Variants in CACNA1C observed in about 807,000 individuals in gnomAD.
CACNA1C encodes the protein calcium voltage-gated channel subunit alpha1 C, also known as voltage-dependent L-type calcium channel subunit alpha-1C.
CACNA1C carries 30 observed loss-of-function variants against 229.0 expected under a neutral mutation model. That is an observed-to-expected ratio of 0.13 (90% confidence interval 0.10 to 0.18). CACNA1C has a LOEUF of 0.18. Ranked by LOEUF, CACNA1C falls within the 10% of genes least tolerant of loss-of-function variation. The pLI, the probability that CACNA1C is intolerant of heterozygous loss-of-function variation, is 1.00. For missense variants in CACNA1C, 1,658 were observed against 2,845.0 expected (o/e 0.58, Z 9.49); for synonymous variants, 1,114 against 1,132.5 (o/e 0.98, Z 0.33).
At chr12:2,458,981 C>CTTTTTTTTTTTTT (rs71057826) in intron 5 of CACNA1C, among the ~76,000 whole-genome samples, 1 of 105,596 alleles carries the variant, frequency 9.5e-6, no homozygotes, top group African/African-American at 3.6e-5. Context: ...CTTTTTCTTT[C>CTTTTTTTTTTTTT]TTTTTTTTTT....
chr12:2,477,146 C>T (rs900719505), intron 5 of CACNA1C, among the ~76,000 whole-genome samples: 9 of 152,322 alleles, frequency 5.9e-5, no homozygotes, highest in East Asian at 1.9e-4. Flanking sequence ...AGATTCATCA[C>T]GTCTCCAGCT....
chr12:2,592,565 C>A (rs1017227748), intron 18 of CACNA1C, among the ~76,000 whole-genome samples: 1 of 152,230 alleles, frequency 6.6e-6, no homozygotes, highest in Non-Finnish European at 1.5e-5. Flanking sequence ...AATAAGCTGT[C>A]TGACTTTGGT....
chr12:2,057,353 C>T (rs539983647), intron 1 of CACNA1C, among the ~76,000 whole-genome samples: 1 of 152,334 alleles, frequency 6.6e-6, no homozygotes, highest in South Asian at 2.1e-4. Flanking sequence ...GCGACCTGGC[C>T]AGACCTGCAG....
At chr12:2,250,408 C>T (rs768746303) in intron 3 of CACNA1C, among the ~76,000 whole-genome samples, 2 of 152,354 alleles carry the variant, frequency 1.3e-5, no homozygotes, top group East Asian at 1.9e-4. Context: ...CTCTCCATCC[C>T]GAGACCTTTA....
At chr12:2,145,603 C>G (rs1232248152) in intron 3 of CACNA1C, among the ~76,000 whole-genome samples, 1 of 151,240 alleles carries the variant, frequency 6.6e-6, no homozygotes, top group Admixed American at 6.7e-5. Context: ...TGAGTGCCTA[C>G]TGTGTACCAG....
At chr12:2,487,051 C>T (rs2099700542) in intron 6 of CACNA1C, among the ~76,000 whole-genome samples, 1 of 152,234 alleles carries the variant, frequency 6.6e-6, no homozygotes, top group Non-Finnish European at 1.5e-5. Flanking sequence ...AAGCTACTAA[C>T]ATCGCAGCTT....
intron 34 of CACNA1C, among the ~76,000 whole-genome samples, chr12:2,656,537 A>C (rs138628742): frequency 1.3e-5 from 2 of 152,374 alleles, no homozygotes; most frequent in East Asian, 3.9e-4. Flanking sequence ...TGCAATTGCT[A>C]TCAAAATGCC....
chr12:2,451,858 C>G (rs970222390), intron 4 of CACNA1C, among the ~76,000 whole-genome samples: 5 of 152,216 alleles, frequency 3.3e-5, no homozygotes, highest in African/African-American at 1.2e-4. Context: ...TTGCCCAGCT[C>G]GTGGTTGGTC....
At chr12:2,101,271 G>T (rs1039287345) in intron 1 of CACNA1C, among the ~76,000 whole-genome samples, 4 of 152,168 alleles carry the variant, frequency 2.6e-5, no homozygotes, top group African/African-American at 9.7e-5. Flanking sequence ...GCAGAGCTTT[G>T]CCAGACTCTT....
chr12:2,415,306 C>G (rs2098863688), intron 3 of CACNA1C, among the ~76,000 whole-genome samples: 1 of 152,130 alleles, frequency 6.6e-6, no homozygotes, highest in Admixed American at 6.5e-5. Context: ...GCCTGTTGTC[C>G]TATGAGCCAC....
rs140680101 is a variant in CACNA1C, at chr12:2,483,286, C to T, written c.758-2818C>T. Among the ~76,000 whole-genome samples, 25 of 152,318 alleles carry T rather than the reference C, an allele frequency of 1.6e-4. No individual in the cohort carries two copies. In the East Asian group the frequency reaches 3.3e-3, roughly 20 times the overall value. Reference sequence around the variant, plus strand: ...GGCAGGTTAGTTTACCTGCAGGTGACAGGGAGTCACTGGGTGACTTTCAGC... The same window carrying T: ...GGCAGGTTAGTTTACCTGCAGGTGATAGGGAGTCACTGGGTGACTTTCAGC... On this transcript the variant is annotated intron_variant, in intron 5 of 46. Transcript: ENST00000399655.
chr12:2,555,362 G>T (rs1363690383), intron 10 of CACNA1C, among the ~76,000 whole-genome samples: 2 of 152,254 alleles, frequency 1.3e-5, no homozygotes. Context: ...CTGAAAGAAG[G>T]CCTGGGACCA....
chr12:2,175,752 TC>T (rs2096627216), intron 3 of CACNA1C, among the ~76,000 whole-genome samples: 31 of 152,182 alleles, frequency 2.0e-4, no homozygotes, highest in Admixed American at 2.0e-3. Flanking sequence ...AGAAGAACGC[TC>T]TCTCATCAAC....
intron 3 of CACNA1C, among the ~76,000 whole-genome samples, chr12:2,297,029 G>C (rs771090859): frequency 1.6e-4 from 24 of 152,170 alleles, no homozygotes; most frequent in Non-Finnish European, 1.5e-5. Context: ...TCCTGCCTTG[G>C]GGGTATAACC....
chr12:2,404,031 C>G (rs1049846911), intron 3 of CACNA1C, among the ~76,000 whole-genome samples: 6 of 152,344 alleles, frequency 3.9e-5, no homozygotes, highest in African/African-American at 1.4e-4. Flanking sequence ...GACTCAGGAT[C>G]CCCTAGGCTG....
chr12:2,267,940 C>G (rs1203951447), intron 3 of CACNA1C, among the ~76,000 whole-genome samples: 1 of 152,184 alleles, frequency 6.6e-6, no homozygotes, highest in Non-Finnish European at 1.5e-5. Flanking sequence ...TGTTCAGGAT[C>G]GATTGCACAT....
chr12:2,602,101 G>T lies in CACNA1C; in HGVS notation c.2960+141G>T. 1 of 639,436 alleles carries T rather than the reference G, an allele frequency of 1.6e-6. No homozygotes were observed. Among genetic ancestry groups the T allele is most frequent in the South Asian group, 1.8e-5 (1 of 55,164 alleles). The allele number at this position is 639,436 out of a possible 1,614,324, so 39.6% of individuals were successfully genotyped here. A position where few individuals can be genotyped will look rare whatever the true frequency, so the allele number is the denominator to read the frequency against. On this transcript the variant is annotated intron_variant, in intron 22 of 46. Transcript: ENST00000399655. This position sits in a 1 kb window ranked among gnomAD's most constrained non-coding sequence, Gnocchi z 4.4. ...GGTGGGGCCTCCAAAGCTGTGCATG[G>T]TGGCTTTGGGTTCTTGGTTCTGTGT...
intron 10 of CACNA1C, among the ~76,000 whole-genome samples, chr12:2,553,931 C>T (rs1270772403): frequency 1.3e-5 from 2 of 152,204 alleles, no homozygotes; most frequent in Non-Finnish European, 2.9e-5. Context: ...ATAATAAGAG[C>T]TGTGGGGGAG....
At chr12:2,004,759 G>A in intron 1 of CACNA1C, 1 of 324,520 alleles carries the variant, frequency 3.1e-6, no homozygotes, top group Admixed American at 4.8e-5. Flanking sequence ...TCTTGGATGT[G>A]TTCGACCCCT....
Sources: gnomAD v4.1 joint callset for allele counts (sites outside exome capture counted in the v4.1 genomes callset) on GRCh38, gnomAD v4.1.1 for gene constraint, Gnocchi (gnomAD v3.1) non-coding constraint, MANE v1.5 for transcripts, NCBI Gene and HGNC (gene_info 2026-07-23, HGNC 2026-07-21) for gene names.